The following WAC variants were observed in gnomAD, a reference collection of about 807,000 sequenced individuals.
The protein encoded by WAC is WW domain-containing adapter protein with coiled-coil.
In WAC, 11 loss-of-function variants were observed where a neutral mutation model predicts 79.6. That is an observed-to-expected ratio of 0.14 (90% CI 0.09 to 0.23). WAC has a LOEUF of 0.23. WAC is among the 10% of genes least tolerant of loss of function. The probability of loss-of-function intolerance (pLI) is 1.00; values close to 1 mark genes in which losing one functional copy is unlikely to be tolerated. For synonymous variants in WAC, 304 were observed against 276.9 expected, an observed-to-expected ratio of 1.10 and a Z score of -0.97; for missense variants, 728 against 773.5, an observed-to-expected ratio of 0.94 and a Z score of 0.70.
At chr10:28,551,454 T>C (rs538323622) in intron 3 of WAC, among the ~76,000 whole-genome samples, 27 of 152,354 alleles carry the variant, frequency 1.8e-4, no homozygotes, top group Admixed American at 5.9e-4. Flanking sequence ...TAAGCTATTA[T>C]AATCGAGCAG....
In WAC at chr10:28,533,983, C is replaced by T. The variant is rs372044639; in HGVS notation, c.42-15C>T. Reference sequence around the variant, plus strand: ...GCCGTGTCTTATGTCGCTGCCTTCTCTTCCTGTTTTTCAGCTGTCACGACC... The same window carrying T: ...GCCGTGTCTTATGTCGCTGCCTTCTTTTCCTGTTTTTCAGCTGTCACGACC... On this transcript the variant is annotated splice_polypyrimidine_tract_variant and intron_variant, in intron 1 of 13. Coordinates refer to ENST00000354911, the MANE Select transcript of WAC (RefSeq NM_016628.5). The T allele has an allele frequency of 5.7e-5, 91 of 1,606,406 alleles. No homozygotes were observed. Among genetic ancestry groups the T allele is most frequent in the East Asian group, 1.4e-4 (6 of 43,632 alleles).
At chr10:28,613,162 G>T (rs1451480889) in intron 10 of WAC, among the ~76,000 whole-genome samples, 1 of 152,194 alleles carries the variant, frequency 6.6e-6, no homozygotes, top group Non-Finnish European at 1.5e-5. Flanking sequence ...GAGGCCTAGA[G>T]TTTGAAACAA....
intron 3 of WAC, among the ~76,000 whole-genome samples, chr10:28,566,325 A>G (rs938574894): frequency 6.6e-5 from 10 of 152,240 alleles, no homozygotes; most frequent in African/African-American, 1.7e-4. Context: ...ATAAAAAAAT[A>G]GAAAAAGTGT....
intron 3 of WAC, among the ~76,000 whole-genome samples, chr10:28,541,341 A>G (rs1457390142): frequency 6.6e-6 from 1 of 151,058 alleles, no homozygotes; most frequent in Non-Finnish European, 1.5e-5. Flanking sequence ...GGGATGCTAT[A>G]CCAGGCACTA....
chr10:28,538,019 T>C (rs1836774508), intron 3 of WAC, among the ~76,000 whole-genome samples: 1 of 152,192 alleles, frequency 6.6e-6, no homozygotes, highest in South Asian at 2.1e-4. Context: ...ATCTCTAACA[T>C]ACCTGGCTGC....
chr10:28,590,742 A>C lies in WAC; in HGVS notation c.520A>C (p.Asn174His), dbSNP rs1299102454. The C allele has an allele frequency of 1.2e-6, 2 of 1,608,454 alleles. 1 individual carries two copies. The highest frequency in any genetic ancestry group is 4.5e-5 in the East Asian group (2 of 44,706). Residue 174 changes from asparagine (N) to histidine (H), a missense_variant, in exon 6 of 14, where the codon AAC becomes CAC. Coordinates refer to ENST00000354911, the MANE Select transcript of WAC (RefSeq NM_016628.5). ...LEREQRQKEANKMAVNSFPKD... is the reference protein window; with the variant it reads ...LEREQRQKEAHKMAVNSFPKD... ...TAGAGAACAGAGACAAAAAGAAGCA[A>C]ACAAGATGGCAGTCAACAGCTTCCC... is the stretch of plus-strand genomic sequence containing the variant.
At chr10:28,540,174 G>A (rs1342663845) in intron 3 of WAC, among the ~76,000 whole-genome samples, 1 of 152,064 alleles carries the variant, frequency 6.6e-6, no homozygotes, top group Admixed American at 6.6e-5. Context: ...ATTAACAGTC[G>A]CTTTTGATAC....
chr10:28,599,766 T>G (rs1487878298), intron 7 of WAC, among the ~76,000 whole-genome samples: 1 of 152,122 alleles, frequency 6.6e-6, no homozygotes, highest in Non-Finnish European at 1.5e-5. Flanking sequence ...GCTCTTTTAT[T>G]TTTGCAGAGA....
At chr10:28,547,223 CAT>C (rs1400503250) in intron 3 of WAC, among the ~76,000 whole-genome samples, 2 of 152,028 alleles carry the variant, frequency 1.3e-5, no homozygotes, top group African/African-American at 4.8e-5. Context: ...TTGTGTGTTA[CAT>C]ATGTTTGCTT....
intron 13 of WAC, among the ~76,000 whole-genome samples, chr10:28,618,368 G>GT (rs1554792385): frequency 6.6e-6 from 1 of 151,608 alleles, no homozygotes; most frequent in South Asian, 2.1e-4. Flanking sequence ...AGAGTTACAG[G>GT]TCGATTGAAT....
At chr10:28,552,209 G>A (rs1296124895) in intron 3 of WAC, among the ~76,000 whole-genome samples, 1 of 152,056 alleles carries the variant, frequency 6.6e-6, no homozygotes, top group East Asian at 1.9e-4. Context: ...TTATTCTTAG[G>A]TATATGTGTG....
chr10:28,594,289 TAAA>T (rs1330545375), intron 6 of WAC, among the ~76,000 whole-genome samples: 1 of 152,188 alleles, frequency 6.6e-6, no homozygotes, highest in Non-Finnish European at 1.5e-5. Flanking sequence ...GTTGAGGAAA[TAAA>T]AATTGTATAC....
At chr10:28,596,436 G>T (rs1381284677) in intron 7 of WAC, among the ~76,000 whole-genome samples, 1 of 152,124 alleles carries the variant, frequency 6.6e-6, no homozygotes, top group Non-Finnish European at 1.5e-5. Context: ...ACTAATGTCT[G>T]TATAACATTT....
At chr10:28,551,894 G>A (rs1837700147) in intron 3 of WAC, among the ~76,000 whole-genome samples, 1 of 147,878 alleles carries the variant, frequency 6.8e-6, no homozygotes, top group Non-Finnish European at 1.5e-5. Flanking sequence ...GCACGATCTC[G>A]GCTCACTGCA....
chr10:28,596,876 G>T (rs1840397926), intron 7 of WAC, among the ~76,000 whole-genome samples: 1 of 151,976 alleles, frequency 6.6e-6, no homozygotes, highest in Admixed American at 6.6e-5. Flanking sequence ...TTGACAAAAG[G>T]GCTCAAATAG....
intron 7 of WAC, among the ~76,000 whole-genome samples, chr10:28,601,324 T>C (rs1158935789): frequency 6.6e-6 from 1 of 152,144 alleles, no homozygotes; most frequent in African/African-American, 2.4e-5. Context: ...TCAGCCTCCT[T>C]AGTCATTAGG....
chr10:28,533,925 C>G (rs971434449), intron 1 of WAC, 73 bp from the exon 2 acceptor site: 11 of 1,550,032 alleles, frequency 7.1e-6, no homozygotes, highest in Admixed American at 5.4e-5. Context: ...GCGGCGGGGG[C>G]CCCGTTTTCT....
chr10:28,535,886 CA>C, intron 3 of WAC, 129 bp downstream of exon 3: 2 of 792,900 alleles, frequency 2.5e-6, no homozygotes, highest in East Asian at 3.0e-5. Context: ...TTAATCCTAT[CA>C]TTTTTTTTTT....
intron 4 of WAC, chr10:28,589,433 A>C (rs949080599): frequency 5.3e-6 from 1 of 187,780 alleles, no homozygotes; most frequent in Non-Finnish European, 1.1e-5. Context: ...TCAACAATTA[A>C]AATTGTGGTG....
Sources: gnomAD v4.1 joint callset for allele counts (sites outside exome capture counted in the v4.1 genomes callset) on GRCh38, gnomAD v4.1.1 for gene constraint, MANE v1.5 for transcripts, NCBI Gene and HGNC (gene_info 2026-07-23, HGNC 2026-07-21) for gene names.